Variants in TRIM51G observed in about 807,000 individuals in gnomAD.
TRIM51G encodes tripartite motif-containing protein 51G.
chr11:48,979,944 C>A, the TRIM51G span, among the ~76,000 whole-genome samples: 1 of 151,720 alleles, frequency 6.6e-6, no homozygotes, highest in African/African-American at 2.4e-5. Flanking sequence ...TTTCCATGAG[C>A]CTTTTGTCTG....
chr11:48,980,901 C>T, the TRIM51G span: 1 of 486,066 alleles, frequency 2.1e-6, no homozygotes, highest in Non-Finnish European at 4.2e-6. Flanking sequence ...TAACACACTA[C>T]TAACCTTCCA....
chr11:48,980,862 T>C, the TRIM51G span: 1 of 463,860 alleles, frequency 2.2e-6, no homozygotes, highest in Non-Finnish European at 4.4e-6. Flanking sequence ...CACCCATTTG[T>C]TCACCATAAG....
the TRIM51G span, chr11:48,981,779 A>G: frequency 5.0e-6 from 7 of 1,410,644 alleles, no homozygotes; most frequent in South Asian, 5.9e-5. Context: ...TGTGATAGCT[A>G]TATTTTCCTC....
chr11:48,976,416 A>G, the TRIM51G span, among the ~76,000 whole-genome samples: 1 of 152,130 alleles, frequency 6.6e-6, no homozygotes, highest in Non-Finnish European at 1.5e-5. Context: ...GCTCTAGATA[A>G]CTGGATAAAA....
At chr11:48,976,844 T>C in the TRIM51G span, among the ~76,000 whole-genome samples, 1 of 152,158 alleles carries the variant, frequency 6.6e-6, no homozygotes, top group Admixed American at 6.6e-5. Context: ...TGTCATTACA[T>C]TTACCCAATA....
chr11:48,983,377 AG>A, the TRIM51G span, among the ~76,000 whole-genome samples: 1 of 151,764 alleles, frequency 6.6e-6, no homozygotes, highest in Admixed American at 6.6e-5. Flanking sequence ...CATGTCTAAA[AG>A]CTTAATGTTA....
At chr11:48,982,964 T>TATATAC in the TRIM51G span, among the ~76,000 whole-genome samples, 3 of 25,460 alleles carry the variant, frequency 1.2e-4, no homozygotes, top group African/African-American at 1.9e-4. Flanking sequence ...TACATATATA[T>TATATAC]ATATATATAT....
the TRIM51G span, among the ~76,000 whole-genome samples, chr11:48,977,338 C>T: frequency 1.3e-5 from 2 of 152,272 alleles, no homozygotes; most frequent in Middle Eastern, 3.4e-3. Flanking sequence ...TTCTTATTCA[C>T]AGTTCCTCAT....
chr11:48,979,098 T>C, the TRIM51G span: 1 of 805,096 alleles, frequency 1.2e-6, no homozygotes, highest in Non-Finnish European at 2.2e-6. Context: ...TAAACTCACA[T>C]AATCCTGCAG....
chr11:48,978,447 C>T, the TRIM51G span, among the ~76,000 whole-genome samples: 2 of 152,122 alleles, frequency 1.3e-5, no homozygotes, highest in Non-Finnish European at 2.9e-5. Context: ...CAGTCATCTT[C>T]CCTAAGCCCT....
chr11:48,976,553 T>A, the TRIM51G span, among the ~76,000 whole-genome samples: 1 of 152,130 alleles, frequency 6.6e-6, no homozygotes, highest in East Asian at 1.9e-4. Context: ...ACGTAGCTCT[T>A]CATGTTGTAA....
At chr11:48,980,720 G>A in the TRIM51G span, among the ~76,000 whole-genome samples, 4 of 152,140 alleles carry the variant, frequency 2.6e-5, no homozygotes, top group Admixed American at 2.0e-4. Context: ...TCTGTGGTCT[G>A]ATTAGAAATC....
At chr11:48,981,532 C>T in the TRIM51G span, 6 of 1,603,434 alleles carry the variant, frequency 3.7e-6, no homozygotes, top group Admixed American at 5.0e-5. Flanking sequence ...TGTCTTCTTG[C>T]ATTTAGAGCA....
At chr11:48,983,407 A>T in the TRIM51G span, among the ~76,000 whole-genome samples, 1 of 152,086 alleles carries the variant, frequency 6.6e-6, no homozygotes, top group Non-Finnish European at 1.5e-5. Context: ...CATTTACAGT[A>T]TTCAATAATT....
chr11:48,977,646 C>A, the TRIM51G span, among the ~76,000 whole-genome samples: 1,123 of 152,186 alleles, frequency 7.4e-3, 6 homozygotes, highest in Admixed American at 0.011. Flanking sequence ...TTCAAACATT[C>A]CAAATAGTTT....
the TRIM51G span, chr11:48,981,340 T>G: frequency 1.9e-6 from 3 of 1,606,860 alleles, no homozygotes; most frequent in Non-Finnish European, 2.6e-6. Flanking sequence ...CCGGTGCTCC[T>G]GAGAGTTGGA....
chr11:48,981,738 G>C, the TRIM51G span: 70,421 of 1,564,742 alleles, frequency 0.045, 1,858 homozygotes, highest in Non-Finnish European at 0.052. Context: ...TGGGTTCTGG[G>C]TTGGTGAAAA....
At chr11:48,977,468 C>G in the TRIM51G span, among the ~76,000 whole-genome samples, 4 of 152,062 alleles carry the variant, frequency 2.6e-5, no homozygotes, top group Non-Finnish European at 5.9e-5. Flanking sequence ...AAATGAAATT[C>G]TGGATTCCAG....
the TRIM51G span, among the ~76,000 whole-genome samples, chr11:48,977,880 T>C: frequency 6.9e-6 from 1 of 144,428 alleles, no homozygotes; most frequent in South Asian, 2.2e-4. Context: ...CATTTATTTA[T>C]TTTTTGTTCT....
Sources: gnomAD v4.1 joint callset for allele counts (sites outside exome capture counted in the v4.1 genomes callset) on GRCh38, gnomAD v4.1.1 for gene constraint, MANE v1.5 for transcripts, NCBI Gene and HGNC (gene_info 2026-07-23, HGNC 2026-07-21) for gene names.